KLHDC4: variants seen among roughly 807,000 people sequenced by gnomAD.
KLHDC4 encodes the protein kelch domain containing 4.
In KLHDC4, 90 loss-of-function variants were observed where a neutral mutation model predicts 62.4. That is an observed-to-expected ratio of 1.44 (90% CI 1.22 to 1.72). KLHDC4 has a LOEUF of 1.72. Ranked by LOEUF, KLHDC4 falls within the 40% of genes most tolerant of loss-of-function variation. The pLI is 0.00. For synonymous variants in KLHDC4, 386 were observed against 284.4 expected (o/e 1.36, Z -3.59); for missense variants, 1,025 against 699.7 (o/e 1.47, Z -5.25).
intron 5 of KLHDC4, among the ~76,000 whole-genome samples, chr16:87,734,469 G>C (rs2040926975): frequency 6.6e-6 from 1 of 152,204 alleles, no homozygotes. Context: ...ACTGCCAGGA[G>C]TCTTCGCTTG....
chr16:87,714,345 GCCCACCCCGAAATGAGCCATCTC>G, intron 8 of KLHDC4, 130 bp downstream of exon 8: 7 of 126,922 alleles, frequency 5.5e-5, no homozygotes, highest in Non-Finnish European at 1.1e-4. Flanking sequence ...GTCCCACCCG[GCCCACCCCGAAATGAGCCATCTC>G]GGCAGGCCCT....
intron 4 of KLHDC4, among the ~76,000 whole-genome samples, chr16:87,751,918 TA>T (rs942454750): frequency 6.7e-6 from 1 of 148,492 alleles, no homozygotes; most frequent in Non-Finnish European, 1.5e-5. Flanking sequence ...CTAAAAATAC[TA>T]AAAAAATTAG....
chr16:87,730,779 C>A (rs2040207470), intron 5 of KLHDC4, 135 bp from the exon 6 acceptor site: 9 of 713,224 alleles, frequency 1.3e-5, no homozygotes, highest in Non-Finnish European at 2.1e-5. Context: ...AAATTAAATA[C>A]CATTTAATCT....
chr16:87,756,296 G>A, intron 3 of KLHDC4, 103 bp downstream of exon 3: 1 of 841,726 alleles, frequency 1.2e-6, no homozygotes, highest in South Asian at 1.4e-5. Flanking sequence ...TGATACAAGG[G>A]GTGAAGGGGC....
intron 5 of KLHDC4, among the ~76,000 whole-genome samples, chr16:87,733,490 G>C (rs759041032): frequency 1.5e-4 from 23 of 152,178 alleles, no homozygotes; most frequent in Non-Finnish European, 3.2e-4. Flanking sequence ...ACTACCCAGG[G>C]AATCTCCTAG....
chr16:87,703,734 C>G (rs1230432549), downstream of KLHDC4, among the ~76,000 whole-genome samples: 1 of 152,166 alleles, frequency 6.6e-6, no homozygotes, highest in Non-Finnish European at 1.5e-5. Flanking sequence ...TCAGGGAAGC[C>G]GGGTCACCGT....
intron 2 of KLHDC4, among the ~76,000 whole-genome samples, chr16:87,757,004 G>A (rs887168956): frequency 6.6e-6 from 1 of 151,746 alleles, no homozygotes; most frequent in African/African-American, 2.4e-5. Context: ...TAGTAGAGAT[G>A]GGGTTTCACT....
chr16:87,734,551 C>G (rs2040944403), intron 5 of KLHDC4, among the ~76,000 whole-genome samples: 1 of 152,192 alleles, frequency 6.6e-6, no homozygotes, highest in African/African-American at 2.4e-5. Flanking sequence ...CTCTAGCACC[C>G]TCCATCATAT....
At chr16:87,736,473 G>C (rs889755764) in intron 5 of KLHDC4, among the ~76,000 whole-genome samples, 3 of 152,156 alleles carry the variant, frequency 2.0e-5, no homozygotes, top group African/African-American at 7.2e-5. Flanking sequence ...TCAGACTAGA[G>C]AGCCCCTGTC....
At position 87,735,901 on chromosome 16, in the gene KLHDC4, G is replaced by C. The variant is rs1387775917; in HGVS notation, c.507-5257C>G. ...CAGGCCCCTCGACTGGGCCGCTGTG[G>C]TGACATTTACAGAAAACTCTACATG... On this transcript the variant is annotated intron_variant, in intron 5 of 11. Transcript: ENST00000270583. 2.0e-5 allele frequency among the ~76,000 whole-genome samples: 3 copies of C among 152,224 alleles called. No homozygotes were observed. In the East Asian group the frequency reaches 5.8e-4, roughly 29 times the overall value.
chr16:87,762,203 G>A (rs186570182), intron 1 of KLHDC4, 163 bp from the exon 2 acceptor site: 6 of 1,404,156 alleles, frequency 4.3e-6, no homozygotes, highest in East Asian at 5.1e-5. Flanking sequence ...TGACACATTC[G>A]AAAGTAACCA....
At chr16:87,716,567 G>A (rs538557073) in intron 7 of KLHDC4, among the ~76,000 whole-genome samples, 2 of 152,204 alleles carry the variant, frequency 1.3e-5, no homozygotes, top group South Asian at 4.1e-4. Context: ...TATACTCCCT[G>A]CTCGGCCCTA....
chr16:87,745,834 C>G (rs1233853389), intron 5 of KLHDC4, among the ~76,000 whole-genome samples: 1 of 152,154 alleles, frequency 6.6e-6, no homozygotes, highest in South Asian at 2.1e-4. Flanking sequence ...AAGAACATCT[C>G]CTGCAGACCA....
At chr16:87,718,320 CCTCCCT>C (rs1165212504) in intron 7 of KLHDC4, among the ~76,000 whole-genome samples, 1 of 72,952 alleles carries the variant, frequency 1.4e-5, no homozygotes, top group Admixed American at 1.3e-4. Flanking sequence ...TCTCCCTCCC[CCTCCCT>C]CTCCCTCCCC....
At chr16:87,719,528 A>G (rs4843681) in intron 7 of KLHDC4, among the ~76,000 whole-genome samples, 8,740 of 152,260 alleles carry the variant, frequency 0.057, 329 homozygotes, top group South Asian at 0.16. Flanking sequence ...ACACAAACAC[A>G]CGGAAGGCCG....
intron 5 of KLHDC4, chr16:87,742,985 G>C (rs1184045753): frequency 1.3e-5 from 2 of 152,390 alleles, no homozygotes; most frequent in African/African-American, 4.8e-5. Context: ...TGAAACAGGA[G>C]CACCTGCACA....
At chr16:87,720,237 G>A (rs1235701897) in intron 7 of KLHDC4, among the ~76,000 whole-genome samples, 4 of 152,214 alleles carry the variant, frequency 2.6e-5, no homozygotes, top group Admixed American at 2.0e-4. Context: ...TGTGGGAGAA[G>A]ACGGCCAGAC....
chr16:87,753,298 G>C (rs1449083236), intron 4 of KLHDC4, among the ~76,000 whole-genome samples: 1 of 152,200 alleles, frequency 6.6e-6, no homozygotes, highest in African/African-American at 2.4e-5. Flanking sequence ...AGAACTATCA[G>C]AGCTTACACA....
intron 4 of KLHDC4, among the ~76,000 whole-genome samples, chr16:87,749,533 G>A (rs1244256785): frequency 5.1e-5 from 7 of 137,250 alleles, no homozygotes; most frequent in Non-Finnish European, 9.1e-5. Flanking sequence ...CAGCCTGGAC[G>A]ACAGAGCGAG....
Sources: allele counts gnomAD v4.1 joint callset (sites outside exome capture counted in the v4.1 genomes callset), GRCh38; gene constraint gnomAD v4.1.1; transcripts MANE v1.5; gene names NCBI Gene and HGNC (gene_info 2026-07-23, HGNC 2026-07-21).